The following NCOR2 variants were observed in gnomAD, a reference collection of about 807,000 sequenced individuals.
NCOR2 encodes CTG repeat protein 26.
NCOR2 carries 81 observed loss-of-function variants against 262.9 expected under a neutral mutation model. The observed-to-expected ratio is 0.31, with a 90% CI of 0.26 to 0.37. The LOEUF (loss-of-function observed/expected upper bound fraction) is 0.37. NCOR2 is among the 10% of genes least tolerant of loss of function. The pLI is 1.00. For synonymous variants in NCOR2, 1,659 were observed against 1,559.3 expected (o/e 1.06, Z -1.51); for missense variants, 3,385 against 3,621.4 (o/e 0.93, Z 1.68).
chr12:124,429,254 C>T (rs958542534), intron 10 of NCOR2: 5 of 273,730 alleles, frequency 1.8e-5, no homozygotes, highest in Non-Finnish European at 2.8e-5. Flanking sequence ...CCTTGGGCTT[C>T]TGGCTGGACT....
chr12:124,401,243 G>A (rs571742110), intron 14 of NCOR2, among the ~76,000 whole-genome samples: 1 of 152,124 alleles, frequency 6.6e-6, no homozygotes, highest in East Asian at 1.9e-4. Flanking sequence ...AAGGATGGGG[G>A]TGTAACCTGG....
rs774314459 is a variant in NCOR2 at position 124,334,463 on chromosome 12, G to A, written c.6566C>T (p.Ala2189Val). 14 of 1,491,562 alleles carry A rather than the reference G, an allele frequency of 9.4e-6. No homozygotes were observed. The Admixed American group carries it at 2.2e-4, about 23-fold the overall frequency. 92.4% of individuals were successfully genotyped at this position (1,491,562 alleles called of 1,614,324 possible). The change falls in exon 41 of 47, where the codon GCC becomes GTC. Residue 2189 changes from alanine to valine, a missense_variant. Ala to Val is a moderately conservative substitution (Grantham distance 64, BLOSUM62 0). Around this residue, in one of 5 missense-constraint regions of NCOR2, gnomAD observed 1,017 missense variants for 967.2 expected, o/e 1.05. Transcript: ENST00000405201. ...GCTGTGGGGGGAGCCACGGGCCGGG[G>A]CACCATGGTCCGGGGGCGGGAGGTA...
intron 13 of NCOR2, among the ~76,000 whole-genome samples, chr12:124,419,050 G>A (rs556332534): frequency 6.6e-6 from 1 of 152,096 alleles, no homozygotes; most frequent in Non-Finnish European, 1.5e-5. Flanking sequence ...CCTCTGTGTG[G>A]TGCTCCCAGC....
chr12:124,490,836 T>C (rs1454829971), intron 1 of NCOR2, among the ~76,000 whole-genome samples: 3 of 151,848 alleles, frequency 2.0e-5, no homozygotes, highest in Non-Finnish European at 4.4e-5. Flanking sequence ...ACCTCTGGGG[T>C]TGGCGTGACC....
At chr12:124,425,330 T>C (rs548041181) in intron 11 of NCOR2, among the ~76,000 whole-genome samples, 76 of 151,722 alleles carry the variant, frequency 5.0e-4, no homozygotes, top group African/African-American at 1.6e-3. Context: ...GCAGAGATTG[T>C]GCCATTGTAC....
At chr12:124,473,445 T>C (rs1304754435) in intron 3 of NCOR2, among the ~76,000 whole-genome samples, 1 of 152,196 alleles carries the variant, frequency 6.6e-6, no homozygotes, top group Non-Finnish European at 1.5e-5. Context: ...GGATGCTTCC[T>C]GCCCTCGAAC....
exon 17 of NCOR2, chr12:124,385,747 T>C: frequency 1.2e-6 from 2 of 1,613,604 alleles, no homozygotes; most frequent in African/African-American, 1.3e-5. Context: ...GGGCTCACCA[T>C]CTTCAGCTTG....
At chr12:124,429,645 ACAC>A (rs2043800986) in exon 10 of NCOR2, 1 of 1,609,258 alleles carries the variant, frequency 6.2e-7, no homozygotes, top group African/African-American at 1.3e-5. Context: ...ATGATCTCTG[ACAC>A]CTCGTGCTCG....
intron 31 of NCOR2, among the ~76,000 whole-genome samples, 191 bp from the exon 34 acceptor site, chr12:124,345,142 C>A (rs1297531878): frequency 6.6e-6 from 1 of 152,166 alleles, no homozygotes; most frequent in Non-Finnish European, 1.5e-5. Flanking sequence ...CCCTGCGCAC[C>A]CTGGGCCTGA....
At chr12:124,409,931 A>C (rs2042474466) in intron 13 of NCOR2, among the ~76,000 whole-genome samples, 1 of 151,734 alleles carries the variant, frequency 6.6e-6, no homozygotes, top group Non-Finnish European at 1.5e-5. Context: ...CACCTACCTC[A>C]GCCTCCCAAA....
At chr12:124,409,079 G>A (rs2042428990) in intron 13 of NCOR2, among the ~76,000 whole-genome samples, 2 of 152,240 alleles carry the variant, frequency 1.3e-5, no homozygotes, top group African/African-American at 4.8e-5. Context: ...GCACTCTACG[G>A]CAGAAAGATG....
In NCOR2 at chr12:124,549,298, T is replaced by A. The variant is rs2051638012; in HGVS notation, c.-164-13687A>T. 6.6e-6 allele frequency among the ~76,000 whole-genome samples: 1 copy of A among 151,326 alleles called. No homozygotes were observed. The highest frequency in any genetic ancestry group is 2.1e-4 in the South Asian group (1 of 4,800). On this transcript the variant is annotated intron_variant, in intron 1 of 32. Transcript: ENST00000458234. The surrounding 1 kb of genome is among the most constrained non-coding windows in gnomAD (Gnocchi z 4.4). The stretch of plus-strand genomic sequence containing the variant: ...GCGGTGGGAGGGGCAGGGCCGCGGC[T>A]GGAGGATAAAATCCCACACTCCCCG...
intron 4 of NCOR2, among the ~76,000 whole-genome samples, chr12:124,467,251 C>G (rs1480381932): frequency 2.9e-5 from 1 of 34,232 alleles, no homozygotes; most frequent in Non-Finnish European, 6.3e-5. Flanking sequence ...TCATCCCCAT[C>G]ACCCCCATTA....
At chr12:124,488,053 A>G (rs2047874592) in intron 1 of NCOR2, among the ~76,000 whole-genome samples, 1 of 152,094 alleles carries the variant, frequency 6.6e-6, no homozygotes, top group African/African-American at 2.4e-5. Context: ...ATTACAAGGG[A>G]CTTCGTCTCT....
At chr12:124,391,054 G>A (rs1224837502) in intron 16 of NCOR2, among the ~76,000 whole-genome samples, 2 of 152,234 alleles carry the variant, frequency 1.3e-5, no homozygotes, top group Non-Finnish European at 2.9e-5. Context: ...AGCTGTTCTT[G>A]TGGGGGCCAG....
At position 124,334,487 on chromosome 12, in the gene NCOR2, T is replaced by C. The variant is rs1334215741; in HGVS notation, c.6542A>G (p.Tyr2181Cys). 3.4e-6 allele frequency: 5 copies of C among 1,450,780 alleles called. No individual in the cohort carries two copies. In the African/African-American group the frequency reaches 4.4e-5, roughly 13 times the overall value. The allele number at this position is 1,450,780 out of a possible 1,614,324, so 89.9% of individuals were successfully genotyped here. A position where few individuals can be genotyped will look rare whatever the true frequency, so the allele number is the denominator to read the frequency against. The change falls in exon 41 of 47, where the codon TAC (tyrosine) becomes TGC (cysteine). Residue 2181 changes from tyrosine to cysteine, a missense_variant. By Grantham distance (194) the Tyr-to-Cys change is radical. Around this residue, in one of 5 missense-constraint regions of NCOR2, gnomAD observed 1,017 missense variants for 967.2 expected, o/e 1.05. Transcript: ENST00000405201. The stretch of plus-strand genomic sequence containing the variant: ...GGCACCATGGTCCGGGGGCGGGAGG[T>C]AGAGGTCACTGGGTGGGCGGCGGAG...
intron 17 of NCOR2, among the ~76,000 whole-genome samples, chr12:124,381,894 T>C (rs558453894): frequency 2.6e-5 from 4 of 152,288 alleles, no homozygotes; most frequent in East Asian, 1.9e-4. Flanking sequence ...AAGACACTGA[T>C]GCCAAGTGTT....
chr12:124,335,016 C>T (rs1246085175), intron 40 of NCOR2, 119 bp downstream of exon 42: 12 of 1,495,756 alleles, frequency 8.0e-6, no homozygotes, highest in African/African-American at 6.9e-5. Flanking sequence ...CAGCGCCATG[C>T]CCTGGATCCC....
At chr12:124,513,462 C>G (rs972207446) in intron 1 of NCOR2, 7 of 152,344 alleles carry the variant, frequency 4.6e-5, no homozygotes, top group Middle Eastern at 3.4e-3. Flanking sequence ...GGACCCGCCT[C>G]GGAAGATAGG....
Sources: allele counts gnomAD v4.1 joint callset (sites outside exome capture counted in the v4.1 genomes callset), GRCh38; gene constraint gnomAD v4.1.1; regional missense constraint gnomAD v4.1.1; non-coding constraint Gnocchi (gnomAD v3.1); transcripts MANE v1.5; gene names NCBI Gene and HGNC (gene_info 2026-07-23, HGNC 2026-07-21).